DOCK11: variants seen among roughly 807,000 people sequenced by gnomAD.
The protein encoded by DOCK11 is dedicator of cytokinesis protein 11.
In DOCK11, 70 loss-of-function variants were observed where a neutral mutation model predicts 169.1. That is an observed-to-expected ratio of 0.41 (90% CI 0.34 to 0.51). DOCK11 has a LOEUF of 0.51. Ranked by LOEUF, DOCK11 falls within the 20% of genes least tolerant of loss-of-function variation. The probability of loss-of-function intolerance (pLI) is 0.10; values close to 1 mark genes in which losing one functional copy is unlikely to be tolerated. For synonymous variants in DOCK11, 529 were observed against 541.3 expected, an observed-to-expected ratio of 0.98 and a Z score of 0.32; for missense variants, 1,166 against 1,538.8, an observed-to-expected ratio of 0.76 and a Z score of 4.05.
Position 118,676,060 on chromosome X carries a change from T to C in DOCK11, c.5313+11T>C. 4 of 1,082,423 alleles carry C rather than the reference T, an allele frequency of 3.7e-6. No homozygotes were observed. In the East Asian group the frequency reaches 9.1e-5, roughly 25 times the overall value. The allele number at this position is 1,082,423 out of a possible 1,213,427, so 89.2% of individuals were successfully genotyped here. A position where few individuals can be genotyped will look rare whatever the true frequency, so the allele number is the denominator to read the frequency against. The stretch of plus-strand genomic sequence containing the variant: ...GCCTTTTATGGCCAAGTAAGTGTAC[T>C]TGAATCCATAAAGTTTTCCTTTTTA... On this transcript the variant is annotated intron_variant, in intron 47 of 52. Coordinates refer to ENST00000276202, the MANE Select transcript of DOCK11 (RefSeq NM_144658.4).
intron 50 of DOCK11, among the ~76,000 whole-genome samples, chrX:118,681,453 C>T (rs780789311): frequency 1.3e-4 from 15 of 112,392 alleles, no homozygotes; most frequent in Non-Finnish European, 2.6e-4. Context: ...AACATAAGTC[C>T]GATGACTGTA....
chrX:118,545,359 A>C lies in DOCK11; in HGVS notation c.429A>C (p.Val143=), dbSNP rs755504173. 88 of 1,200,117 alleles carry C rather than the reference A, an allele frequency of 7.3e-5. No homozygotes were observed. Among genetic ancestry groups the C allele is most frequent in the Non-Finnish European group, 9.8e-5 (87 of 890,682 alleles). ...SLRPEKIPNH[V]FEIDEDCEKD... ...GACCAGAAAAGATTCCTAATCATGT[A>C]TTTGAGATAGATGAAGACTGTGAGA... Residue 143 remains valine, a synonymous_variant, in exon 5 of 53, where the codon GTA becomes GTC. Transcript: ENST00000276202.
chrX:118,503,699 A>G (rs990606387), intron 1 of DOCK11, among the ~76,000 whole-genome samples: 2 of 99,103 alleles, frequency 2.0e-5, no homozygotes, highest in Non-Finnish European at 4.1e-5. Context: ...TCTCGAGGGC[A>G]GAGGTGGAAA....
intron 39 of DOCK11, among the ~76,000 whole-genome samples, chrX:118,642,931 A>C (rs1046010481): frequency 6.2e-5 from 7 of 112,135 alleles, no homozygotes; most frequent in African/African-American, 2.3e-4. Context: ...CAATTTACAT[A>C]GTCTGTTCAA....
intron 32 of DOCK11, among the ~76,000 whole-genome samples, chrX:118,626,065 CTT>C (rs570844267): frequency 9.7e-5 from 9 of 92,609 alleles, no homozygotes; most frequent in Admixed American, 1.2e-4. Context: ...AAATCCTTTA[CTT>C]TTTTTTTTTT....
intron 1 of DOCK11, among the ~76,000 whole-genome samples, chrX:118,538,002 C>G (rs925582824): frequency 8.9e-6 from 1 of 111,946 alleles, no homozygotes; most frequent in Non-Finnish European, 1.9e-5. Context: ...TACTGCATCC[C>G]ACACCATGGT....
intron 1 of DOCK11, among the ~76,000 whole-genome samples, chrX:118,525,077 G>A (rs112835851): frequency 9.1e-6 from 1 of 109,952 alleles, no homozygotes; most frequent in African/African-American, 3.3e-5. Flanking sequence ...CCCAGGAGGC[G>A]GAGGTTGCAG....
chrX:118,614,582 GT>G (rs1344232646), intron 28 of DOCK11, 109 bp from the exon 29 acceptor site: 6 of 557,506 alleles, frequency 1.1e-5, no homozygotes, highest in Non-Finnish European at 1.8e-5. Flanking sequence ...AAATAAAAAT[GT>G]CTTTCTTTTT....
chrX:118,526,659 G>C (rs1233915592), intron 1 of DOCK11, among the ~76,000 whole-genome samples: 1 of 112,093 alleles, frequency 8.9e-6, no homozygotes, highest in East Asian at 2.8e-4. Flanking sequence ...ACCTCCCAAG[G>C]GTCAGAGGAA....
intron 12 of DOCK11, among the ~76,000 whole-genome samples, chrX:118,574,483 C>T (rs754795506): frequency 3.6e-5 from 4 of 111,227 alleles, no homozygotes; most frequent in Non-Finnish European, 5.7e-5. Context: ...GCAGGAGAAT[C>T]GCTTGAACCC....
intron 40 of DOCK11, among the ~76,000 whole-genome samples, chrX:118,648,470 A>G (rs888046614): frequency 6.2e-5 from 6 of 96,925 alleles, no homozygotes; most frequent in Admixed American, 1.3e-4. Context: ...GAGACAATAT[A>G]TTATTATATA....
Position 118,601,601 on chromosome X carries a change from G to A in DOCK11, c.2562+2373G>A, listed in dbSNP as rs761652207. Among the ~76,000 whole-genome samples, 257 of 111,102 alleles carry A rather than the reference G, an allele frequency of 2.3e-3. 2 individuals are homozygous for A. Among genetic ancestry groups the A allele is most frequent in the Non-Finnish European group, 4.0e-3 (212 of 52,962 alleles). ...AAAAGAACATCATTTTCATATATACGGGTATTCTTAAAATAGAAAAGTTCT... is the reference window on the plus strand; with the variant it reads ...AAAAGAACATCATTTTCATATATACAGGTATTCTTAAAATAGAAAAGTTCT... On this transcript the variant is annotated intron_variant, in intron 23 of 52. Coordinates refer to ENST00000276202, the MANE Select transcript of DOCK11 (RefSeq NM_144658.4).
intron 1 of DOCK11, among the ~76,000 whole-genome samples, chrX:118,517,776 T>C (rs2057699466): frequency 8.9e-6 from 1 of 112,132 alleles, no homozygotes; most frequent in Non-Finnish European, 1.9e-5. Flanking sequence ...TCTTAAGTAT[T>C]ATTCCCTGAA....
intron 31 of DOCK11, among the ~76,000 whole-genome samples, chrX:118,623,028 C>T (rs755928082): frequency 1.8e-5 from 2 of 111,724 alleles, no homozygotes; most frequent in East Asian, 5.6e-4. Context: ...CCAGCCTGGC[C>T]AACATAGTAA....
At chrX:118,618,168 T>A in intron 30 of DOCK11, among the ~76,000 whole-genome samples, 1 of 112,153 alleles carries the variant, frequency 8.9e-6, no homozygotes, top group East Asian at 2.8e-4. Context: ...CATAGAATTT[T>A]TCAAATTTAT....
intron 36 of DOCK11, among the ~76,000 whole-genome samples, chrX:118,637,592 T>C (rs1189002124): frequency 9.0e-6 from 1 of 110,641 alleles, no homozygotes; most frequent in African/African-American, 3.3e-5. Context: ...AGACCTGATC[T>C]CTACAAAAAA....
At chrX:118,531,676 G>T (rs1418682853) in intron 1 of DOCK11, among the ~76,000 whole-genome samples, 1 of 108,542 alleles carries the variant, frequency 9.2e-6, no homozygotes, top group Non-Finnish European at 1.9e-5. Context: ...TCCTGCCTCA[G>T]CCTCCCGAGT....
At chrX:118,500,775 C>T (rs1441055212) in intron 1 of DOCK11, among the ~76,000 whole-genome samples, 3 of 110,176 alleles carry the variant, frequency 2.7e-5, no homozygotes, top group Non-Finnish European at 5.7e-5. Flanking sequence ...CAAACGCCAC[C>T]GTGCCCAGCT....
rs746846767 is a variant in DOCK11 at position 118,648,130 on chromosome X, T to C, written c.4399-815T>C. Among the ~76,000 whole-genome samples the C allele has an allele frequency of 3.6e-3, 205 of 56,256 alleles. 1 individual carries two copies. The highest frequency in any genetic ancestry group is 0.018 in the African/African-American group (183 of 10,309). 48.9% of individuals were successfully genotyped at this position (56,256 alleles called of 115,157 possible). On this transcript the variant is annotated intron_variant, in intron 40 of 52. Coordinates refer to ENST00000276202, the MANE Select transcript of DOCK11 (RefSeq NM_144658.4). The stretch of plus-strand genomic sequence containing the variant: ...ATAATATATAAATTGTAATATTATA[T>C]AATATAATATATAAATTAATATATA...
Sources: allele counts gnomAD v4.1 joint callset (sites outside exome capture counted in the v4.1 genomes callset), GRCh38; gene constraint gnomAD v4.1.1; transcripts MANE v1.5; gene names NCBI Gene and HGNC (gene_info 2026-07-23, HGNC 2026-07-21).